TTC28: variants seen among roughly 807,000 people sequenced by gnomAD.
TTC28 encodes the protein tetratricopeptide repeat protein 28.
Under a neutral mutation model 198.0 loss-of-function variants are expected in TTC28, and 61 were observed. That is an observed-to-expected ratio of 0.31 (90% CI 0.25 to 0.38). The LOEUF (loss-of-function observed/expected upper bound fraction) is 0.38, where lower values mean the gene tolerates loss of function less well. Ranked by LOEUF, TTC28 falls within the 10% of genes least tolerant of loss-of-function variation. The pLI is 1.00. For missense variants in TTC28, 2,678 were observed against 3,164.0 expected (o/e 0.85, Z 3.69); for synonymous variants, 1,171 against 1,297.8 (o/e 0.90, Z 2.10).
chr22:28,415,363 TGTA>T (rs781748598), intron 2 of TTC28, among the ~76,000 whole-genome samples: 1 of 151,078 alleles, frequency 6.6e-6, no homozygotes, highest in Non-Finnish European at 1.5e-5. Flanking sequence ...AAAAAAAAAA[TGTA>T]GTACAGATTT....
Position 28,306,642 on chromosome 22 carries a change from G to A in TTC28, c.383C>T (p.Ala128Val). Reference sequence around the variant, plus strand: ...GAGGGCAACACCCTGTCGGAAGTATGCCTAGAAATAAAAGATATATAAGAT... The same window carrying A: ...GAGGGCAACACCCTGTCGGAAGTATACCTAGAAATAAAAGATATATAAGAT... The part of the protein sequence containing the change: ...ARLLNPKWPK[A>V]YFRQGVALQY... Residue 128 changes from alanine to valine, a missense_variant and splice_region_variant, in exon 3 of 23, where the codon GCA becomes GTA. Transcript: ENST00000397906. The A allele has an allele frequency of 6.4e-7, 1 of 1,551,348 alleles. No individual in the cohort carries two copies.
chr22:28,410,929 T>G (rs936670157), intron 2 of TTC28, among the ~76,000 whole-genome samples: 3 of 152,166 alleles, frequency 2.0e-5, no homozygotes, highest in African/African-American at 7.2e-5. Context: ...TATTTTTCAT[T>G]AATAATTCTT....
intron 13 of TTC28, among the ~76,000 whole-genome samples, chr22:28,023,109 T>C (rs1938679148): frequency 6.6e-6 from 1 of 152,104 alleles, no homozygotes; most frequent in African/African-American, 2.4e-5. Flanking sequence ...ATGTGGCTTC[T>C]CTCCCCTTGC....
intron 2 of TTC28, among the ~76,000 whole-genome samples, chr22:28,407,500 A>G (rs2047016811): frequency 1.3e-5 from 2 of 151,390 alleles, no homozygotes; most frequent in African/African-American, 4.9e-5. Flanking sequence ...ACACACAGTA[A>G]TGCCTTATAA....
At chr22:27,997,429 C>T (rs1937571639) in intron 16 of TTC28, 1 of 152,230 alleles carries the variant, frequency 6.6e-6, no homozygotes, top group Non-Finnish European at 1.5e-5. Context: ...ATCTGCCTGG[C>T]ACCAGCACCT....
chr22:28,255,682 A>T (rs1014945324), intron 5 of TTC28, among the ~76,000 whole-genome samples: 22 of 105,110 alleles, frequency 2.1e-4, no homozygotes, highest in Admixed American at 1.1e-4. Flanking sequence ...ACTCCGTCTC[A>T]AAAAAAAAAA....
At chr22:28,080,810 G>A (rs1941321780) in intron 12 of TTC28, among the ~76,000 whole-genome samples, 1 of 151,942 alleles carries the variant, frequency 6.6e-6, no homozygotes, top group Non-Finnish European at 1.5e-5. Context: ...AGGAGTTTTA[G>A]ACTTTCAAGT....
intron 2 of TTC28, among the ~76,000 whole-genome samples, chr22:28,324,961 G>T (rs1357435598): frequency 6.6e-6 from 1 of 152,134 alleles, no homozygotes; most frequent in South Asian, 2.1e-4. Context: ...TCTCTGCCAG[G>T]CTTTGGTATC....
At position 28,571,630 on chromosome 22, in the gene TTC28, A is replaced by G. The variant is rs1332133217; in HGVS notation, c.381+57922T>C. 2.6e-5 allele frequency among the ~76,000 whole-genome samples: 4 copies of G among 152,338 alleles called. No homozygotes were observed. In the South Asian group the frequency reaches 6.2e-4, roughly 24 times the overall value. On this transcript the variant is annotated intron_variant, in intron 2 of 22. Transcript: ENST00000397906. The stretch of plus-strand genomic sequence containing the variant: ...AAACAAATCTTTGAAACATAATTTC[A>G]TATTATGTAGTAACGGTTAACATAA...
At chr22:27,994,224 A>G (rs1382235159) in intron 17 of TTC28, among the ~76,000 whole-genome samples, 1 of 152,172 alleles carries the variant, frequency 6.6e-6, no homozygotes, top group African/African-American at 2.4e-5. Context: ...CGGGCAGATC[A>G]CTTGAGTCCA....
At chr22:28,016,950 G>A (rs1938402616) in intron 13 of TTC28, among the ~76,000 whole-genome samples, 1 of 152,196 alleles carries the variant, frequency 6.6e-6, no homozygotes. Context: ...AACTACACAA[G>A]GAAGTGCCAG....
chr22:28,516,193 G>A (rs2048783718), intron 2 of TTC28, among the ~76,000 whole-genome samples: 1 of 151,160 alleles, frequency 6.6e-6, no homozygotes. Flanking sequence ...GAAAATAAAT[G>A]ATTTTATTAT....
intron 14 of TTC28, among the ~76,000 whole-genome samples, chr22:28,010,538 C>T (rs994979506): frequency 1.3e-5 from 2 of 152,184 alleles, no homozygotes; most frequent in African/African-American, 4.8e-5. Flanking sequence ...TCCACCAAGC[C>T]GATTTCTGCC....
At chr22:28,223,923 T>C (rs1928085265) in intron 5 of TTC28, among the ~76,000 whole-genome samples, 2 of 152,226 alleles carry the variant, frequency 1.3e-5, no homozygotes, top group Admixed American at 6.5e-5. Context: ...CTGACTAATA[T>C]TTGTACAGAC....
intron 6 of TTC28, among the ~76,000 whole-genome samples, chr22:28,158,774 A>G (rs928766565): frequency 6.6e-6 from 1 of 152,234 alleles, no homozygotes; most frequent in Admixed American, 6.5e-5. Context: ...AAATTGATTA[A>G]AGACTTTAAA....
chr22:28,142,030 T>C (rs868671560), intron 6 of TTC28, among the ~76,000 whole-genome samples: 11 of 152,336 alleles, frequency 7.2e-5, no homozygotes, highest in Middle Eastern at 3.4e-3. Context: ...CTAATAAAAA[T>C]GCATTTCAAG....
chr22:28,105,937 C>T (rs1942285466), intron 7 of TTC28, 135 bp from the exon 8 acceptor site: 1 of 1,108,118 alleles, frequency 9.0e-7, no homozygotes, highest in South Asian at 1.7e-5. Flanking sequence ...TAGCTAAAAT[C>T]TATCATGTGC....
chr22:28,297,544 C>T (rs1163877408), intron 4 of TTC28, 36 bp downstream of exon 4: 34 of 1,531,928 alleles, frequency 2.2e-5, no homozygotes, highest in Non-Finnish European at 3.0e-5. Flanking sequence ...TTTCTTTGTT[C>T]CCTTTCTGCA....
intron 2 of TTC28, among the ~76,000 whole-genome samples, chr22:28,472,233 T>G (rs928786694): frequency 6.6e-6 from 1 of 152,218 alleles, no homozygotes; most frequent in African/African-American, 2.4e-5. Context: ...TTGATTTCCC[T>G]ATCACTCTTC....
Sources: gnomAD v4.1 joint callset for allele counts (sites outside exome capture counted in the v4.1 genomes callset) on GRCh38, gnomAD v4.1.1 for gene constraint, MANE v1.5 for transcripts, NCBI Gene and HGNC (gene_info 2026-07-23, HGNC 2026-07-21) for gene names.